DNAI3: variants seen among roughly 807,000 people sequenced by gnomAD.
DNAI3 encodes the protein WD repeat domain 63.
DNAI3 carries 83 observed loss-of-function variants against 115.5 expected under a neutral mutation model. That is an observed-to-expected ratio of 0.72 (90% CI 0.60 to 0.86). DNAI3 has a LOEUF of 0.86. DNAI3 is among the 40% of genes least tolerant of loss of function. The probability of loss-of-function intolerance (pLI) is 0.00; values close to 1 mark genes in which losing one functional copy is unlikely to be tolerated. For missense variants in DNAI3, 1,004 were observed against 1,075.8 expected, an observed-to-expected ratio of 0.93 and a Z score of 0.93; for synonymous variants, 320 against 347.0, an observed-to-expected ratio of 0.92 and a Z score of 0.86.
At position 85,101,509 on chromosome 1, in the gene DNAI3, G is replaced by A. The variant is rs532541223; in HGVS notation, c.1479+2851G>A. Among the ~76,000 whole-genome samples, 5 of 152,166 alleles carry A rather than the reference G, an allele frequency of 3.3e-5. No individual in the cohort carries two copies. The South Asian group carries it at 1.0e-3, about 32-fold the overall frequency. ...GGAGGCCGAGGCGGGCAGATCACGAGGTCAGGAGATGGAGACCATCCTGGC... is the reference window on the plus strand; with the variant it reads ...GGAGGCCGAGGCGGGCAGATCACGAAGTCAGGAGATGGAGACCATCCTGGC... On this transcript the variant is annotated intron_variant, in intron 13 of 22. Coordinates refer to ENST00000294664, the MANE Select transcript of DNAI3 (RefSeq NM_145172.5).
chr1:85,084,077 C>A (rs1654711788), intron 5 of DNAI3, among the ~76,000 whole-genome samples: 1 of 150,016 alleles, frequency 6.7e-6, no homozygotes, highest in Non-Finnish European at 1.5e-5. Context: ...TATGGTTTTA[C>A]CACACTGTCA....
At chr1:85,096,854 A>G (rs1655139493) in intron 11 of DNAI3, among the ~76,000 whole-genome samples, 2 of 152,300 alleles carry the variant, frequency 1.3e-5, no homozygotes, top group East Asian at 3.9e-4. Flanking sequence ...ACTGAGGGTC[A>G]TAATGACTCA....
chr1:85,130,195 T>C (rs1043880188), intron 22 of DNAI3, 83 bp downstream of exon 22: 18 of 1,563,580 alleles, frequency 1.2e-5, no homozygotes, highest in Middle Eastern at 2.2e-4. Flanking sequence ...ACAGTTTCCA[T>C]AGAAAAGTTA....
chr1:85,098,413 T>C, intron 12 of DNAI3, 117 bp from the exon 13 acceptor site: 1 of 1,235,670 alleles, frequency 8.1e-7, no homozygotes, highest in Non-Finnish European at 1.1e-6. Context: ...AATTTATGTT[T>C]TTCCTTGAAC....
chr1:85,105,766 C>G (rs957458635), intron 14 of DNAI3, among the ~76,000 whole-genome samples: 11 of 152,166 alleles, frequency 7.2e-5, no homozygotes, highest in African/African-American at 2.7e-4. Context: ...AGCCCCTTTT[C>G]TCTGAATGAA....
chr1:85,108,302 A>C (rs1334766496), intron 15 of DNAI3, 125 bp downstream of exon 15: 11 of 1,076,290 alleles, frequency 1.0e-5, no homozygotes, highest in Admixed American at 2.8e-5. Context: ...AAGACTGTAC[A>C]ATTTGTGTTT....
At chr1:85,113,953 G>A (rs1655734029) in intron 16 of DNAI3, among the ~76,000 whole-genome samples, 1 of 150,456 alleles carries the variant, frequency 6.6e-6, no homozygotes, top group African/African-American at 2.4e-5. Flanking sequence ...TCTTGTTAAC[G>A]GTACTTAAAT....
intron 1 of DNAI3, among the ~76,000 whole-genome samples, chr1:85,067,863 G>A (rs1437782964): frequency 1.3e-5 from 2 of 152,236 alleles, no homozygotes; most frequent in Non-Finnish European, 2.9e-5. Flanking sequence ...GCTCTGGAAA[G>A]AAAGGAATGC....
At chr1:85,107,445 G>A (rs1341423362) in intron 14 of DNAI3, among the ~76,000 whole-genome samples, 1 of 152,158 alleles carries the variant, frequency 6.6e-6, no homozygotes, top group African/African-American at 2.4e-5. Flanking sequence ...CAACACAAAT[G>A]AGCCTTAAAA....
Position 85,126,628 on chromosome 1 carries a change from G to A in DNAI3, c.2230G>A (p.Asp744Asn), listed in dbSNP as rs780460198. ...AGAAGATGGATACATTGATATCTGG[G>A]ACCTTCTGGAGAAAACCCATGAACC... ...GREDGYIDIW[D>N]LLEKTHEPAQ... The change falls in exon 20 of 23, where the codon GAC becomes AAC. Residue 744 changes from aspartate (D) to asparagine (N), a missense_variant. Around this residue, in one of 3 missense-constraint regions of DNAI3, gnomAD observed 429 missense variants for 454.3 expected, o/e 0.94. Coordinates refer to ENST00000294664, the MANE Select transcript of DNAI3 (RefSeq NM_145172.5). 8.1e-6 allele frequency: 13 copies of A among 1,613,936 alleles called. No individual in the cohort carries two copies. Among genetic ancestry groups the A allele is most frequent in the Non-Finnish European group, 1.0e-5 (12 of 1,180,000 alleles).
intron 15 of DNAI3, among the ~76,000 whole-genome samples, chr1:85,109,241 C>G (rs554012003): frequency 6.6e-6 from 1 of 152,282 alleles, no homozygotes; most frequent in East Asian, 1.9e-4. Context: ...TGATGGCTCT[C>G]TTTCTTTAGA....
intron 5 of DNAI3, among the ~76,000 whole-genome samples, chr1:85,084,083 T>G (rs1302100590): frequency 6.7e-6 from 1 of 150,276 alleles, no homozygotes; most frequent in Non-Finnish European, 1.5e-5. Context: ...TTTACCACAC[T>G]GTCATCAATC....
chr1:85,064,989 C>T (rs575799482), intron 1 of DNAI3, among the ~76,000 whole-genome samples: 56 of 152,160 alleles, frequency 3.7e-4, no homozygotes, highest in Non-Finnish European at 6.8e-4. Context: ...GCTGAGATTA[C>T]GCCATTGCAC....
intron 21 of DNAI3, among the ~76,000 whole-genome samples, 196 bp from the exon 22 acceptor site, chr1:85,129,794 G>T (rs1011154817): frequency 1.2e-4 from 18 of 152,082 alleles, no homozygotes; most frequent in African/African-American, 4.3e-4. Context: ...TCACCTAAAA[G>T]ATTTAAAGTA....
chr1:85,086,698 C>T (rs1654810205), intron 7 of DNAI3, among the ~76,000 whole-genome samples: 1 of 152,076 alleles, frequency 6.6e-6, no homozygotes, highest in Admixed American at 6.5e-5. Context: ...TTGGGTCTAT[C>T]TTCAAAATTT....
At chr1:85,084,173 A>G (rs112049016) in intron 5 of DNAI3, among the ~76,000 whole-genome samples, 6 of 139,910 alleles carry the variant, frequency 4.3e-5, no homozygotes, top group African/African-American at 1.1e-4. Flanking sequence ...GTATATATAT[A>G]TGTGTGTGTG....
intron 6 of DNAI3, 97 bp downstream of exon 6, chr1:85,084,792 A>T: frequency 8.3e-7 from 1 of 1,209,684 alleles, no homozygotes; most frequent in Non-Finnish European, 1.1e-6. Context: ...TTTGCTATGG[A>T]GGCATAGTTT....
intron 16 of DNAI3, among the ~76,000 whole-genome samples, chr1:85,115,919 A>G (rs1437152173): frequency 6.6e-6 from 1 of 152,218 alleles, no homozygotes; most frequent in Non-Finnish European, 1.5e-5. Flanking sequence ...ACGAACCAGT[A>G]TCTGTGGCCC....
At chr1:85,087,637 T>C (rs1654840477) in intron 7 of DNAI3, among the ~76,000 whole-genome samples, 1 of 152,014 alleles carries the variant, frequency 6.6e-6, no homozygotes, top group Non-Finnish European at 1.5e-5. Context: ...ACTGCTATGT[T>C]CCCAACTCCT....
Sources: gnomAD v4.1 joint callset for allele counts (sites outside exome capture counted in the v4.1 genomes callset) on GRCh38, gnomAD v4.1.1 for gene constraint, gnomAD v4.1.1 regional missense constraint, MANE v1.5 for transcripts, NCBI Gene and HGNC (gene_info 2026-07-23, HGNC 2026-07-21) for gene names.